Variants in FAM3D observed in about 807,000 individuals in gnomAD.
FAM3D encodes the protein FAM3 metabolism regulating signaling molecule D.
FAM3D carries 26 observed loss-of-function variants against 29.8 expected under a neutral mutation model. The observed-to-expected ratio is 0.87, with a 90% CI of 0.64 to 1.21. The LOEUF is 1.21. FAM3D is among the 50% of genes most tolerant of loss of function. The pLI is 0.00. For synonymous variants in FAM3D, 115 were observed against 102.3 expected, an observed-to-expected ratio of 1.12 and a Z score of -0.75; for missense variants, 253 against 290.9, an observed-to-expected ratio of 0.87 and a Z score of 0.95.
intron 7 of FAM3D, 138 bp downstream of exon 7, chr3:58,639,989 A>G (rs537978111): frequency 2.1e-5 from 18 of 847,544 alleles, no homozygotes; most frequent in South Asian, 1.8e-4. Flanking sequence ...TCAACCCCCC[A>G]CCGCACCTCT....
intron 1 of FAM3D, among the ~76,000 whole-genome samples, chr3:58,664,953 G>A (rs576834186): frequency 1.3e-5 from 2 of 152,178 alleles, no homozygotes; most frequent in Non-Finnish European, 2.9e-5. Flanking sequence ...CTCCAAGGGG[G>A]AGCAGCTGCC....
At chr3:58,653,201 G>T (rs1268072584) in intron 3 of FAM3D, among the ~76,000 whole-genome samples, 1 of 152,190 alleles carries the variant, frequency 6.6e-6, no homozygotes, top group African/African-American at 2.4e-5. Context: ...GGAGGAAGGG[G>T]TGCAATCTTA....
chr3:58,646,556 C>T (rs2066487240), intron 4 of FAM3D, among the ~76,000 whole-genome samples: 1 of 152,196 alleles, frequency 6.6e-6, no homozygotes, highest in South Asian at 2.1e-4. Flanking sequence ...TTTTTAGCAC[C>T]CGCTGACAGT....
intron 7 of FAM3D, among the ~76,000 whole-genome samples, chr3:58,637,945 C>T (rs1215073949): frequency 2.6e-5 from 4 of 151,588 alleles, no homozygotes; most frequent in Admixed American, 6.6e-5. Context: ...AGTGCAATGG[C>T]GCGATCTGCG....
At chr3:58,638,588 A>C (rs1181987252) in intron 7 of FAM3D, among the ~76,000 whole-genome samples, 1 of 152,254 alleles carries the variant, frequency 6.6e-6, no homozygotes, top group Non-Finnish European at 1.5e-5. Flanking sequence ...CCTTTTAATA[A>C]AAAATGATTA....
chr3:58,649,356 T>C lies in FAM3D; in HGVS notation c.122-18A>G, dbSNP rs1165967726. 6.2e-7 allele frequency: 1 copy of C among 1,613,216 alleles called. No individual in the cohort carries two copies. Among genetic ancestry groups the C allele is most frequent in the East Asian group, 2.2e-5 (1 of 44,788 alleles). The stretch of plus-strand genomic sequence containing the variant: ...CGAGGCTGCTGGAGAGAAGACAGAA[T>C]CTGGTTAGAGGAAAAGCACTTCGGA... On this transcript the variant is annotated intron_variant, in intron 3 of 9. Transcript: ENST00000358781.
chr3:58,655,461 T>A, intron 2 of FAM3D, 90 bp downstream of exon 2: 1 of 1,559,394 alleles, frequency 6.4e-7, no homozygotes, highest in Non-Finnish European at 8.8e-7. Context: ...CCTGACCATT[T>A]GAGAACAGAT....
intron 5 of FAM3D, among the ~76,000 whole-genome samples, chr3:58,644,248 G>A (rs1329426926): frequency 6.6e-6 from 1 of 152,200 alleles, no homozygotes; most frequent in African/African-American, 2.4e-5. Context: ...GCGACTGGCT[G>A]ATATGGTTTG....
Position 58,635,114 on chromosome 3 carries a change from G to A in FAM3D, c.586-746C>T, listed in dbSNP as rs983178003. 1.3e-5 allele frequency among the ~76,000 whole-genome samples: 2 copies of A among 152,308 alleles called. No individual in the cohort carries two copies. Among genetic ancestry groups the A allele is most frequent in the Admixed American group, 1.3e-4 (2 of 15,306 alleles). On this transcript the variant is annotated intron_variant, in intron 9 of 9. Transcript: ENST00000358781. This position sits in a 1 kb window ranked among gnomAD's most constrained non-coding sequence, Gnocchi z 5.2. ...CGCTTGAGCCCAGGAGGTCGAGGCT[G>A]CAGTGAGCCGAGATTGTGCCACTGC...
chr3:58,635,933 C>A lies in FAM3D; in HGVS notation c.585+361G>T, dbSNP rs2066153304. 6.6e-6 allele frequency among the ~76,000 whole-genome samples: 1 copy of A among 152,248 alleles called. No individual in the cohort carries two copies. The highest frequency in any genetic ancestry group is 2.1e-4 in the South Asian group (1 of 4,834). ...GGGAGGCTGAAGGGATGGGGACAGG[C>A]ATCCTGCTCCTTTCCCCGGGATCCC... On this transcript the variant is annotated intron_variant, in intron 9 of 9. Coordinates refer to ENST00000358781, the MANE Select transcript of FAM3D (RefSeq NM_138805.3). The surrounding 1 kb of genome is among the most constrained non-coding windows in gnomAD (Gnocchi z 5.2).
intron 4 of FAM3D, among the ~76,000 whole-genome samples, chr3:58,648,441 C>CTAGA (rs1056121136): frequency 1.3e-5 from 2 of 151,886 alleles, no homozygotes; most frequent in Admixed American, 1.3e-4. Flanking sequence ...GGGCTCTGGA[C>CTAGA]TAGATGGTGG....
chr3:58,643,717 G>A lies in FAM3D; in HGVS notation c.267C>T (p.Ile89=), dbSNP rs1216311439. ...GPTMCFEDRM[I]MSPVKNNVGR... The stretch of plus-strand genomic sequence containing the variant: ...CCACATTGTTTTTCACAGGACTCAT[G>A]ATCCTGAAGACAATGAAGAAGAAAT... Residue 89 remains isoleucine (I), a synonymous_variant, in exon 6 of 10, where the codon ATC becomes ATT. Transcript: ENST00000358781. 1.2e-6 allele frequency: 2 copies of A among 1,613,796 alleles called. No individual in the cohort carries two copies. The highest frequency in any genetic ancestry group is 1.7e-6 in the Non-Finnish European group (2 of 1,179,950).
intron 6 of FAM3D, among the ~76,000 whole-genome samples, chr3:58,643,430 T>C (rs1471833346): frequency 6.6e-6 from 1 of 152,238 alleles, no homozygotes; most frequent in Non-Finnish European, 1.5e-5. Context: ...AAGTGTGTCC[T>C]CCTGAGATAG....
chr3:58,640,219 T>A (rs1243940162), intron 6 of FAM3D, 42 bp from the exon 7 acceptor site: 2 of 1,604,424 alleles, frequency 1.2e-6, no homozygotes, highest in East Asian at 2.2e-5. Context: ...GTAACACGTG[T>A]CATTCTGCCT....
At position 58,655,430 on chromosome 3, in the gene FAM3D, G is replaced by T; in HGVS notation, c.13+121C>A. On this transcript the variant is annotated intron_variant, in intron 2 of 9. Transcript: ENST00000358781. ...CTACTCTTCCAGCCTCCCCTGGATT[G>T]CTTTCCTCCTGGAATTCGGGCCTGA... 7 of 1,312,900 alleles carry T rather than the reference G, an allele frequency of 5.3e-6. 1 individual carries two copies. The highest frequency in any genetic ancestry group is 4.4e-5 in the South Asian group (3 of 67,740). The allele number at this position is 1,312,900 out of a possible 1,614,324, so 81.3% of individuals were successfully genotyped here.
intron 6 of FAM3D, among the ~76,000 whole-genome samples, chr3:58,641,905 C>A (rs1258330384): frequency 2.6e-5 from 4 of 152,182 alleles, no homozygotes; most frequent in Admixed American, 1.3e-4. Context: ...CAGGTGCGAC[C>A]CATTTAGGGG....
At chr3:58,664,623 A>G (rs2066995117) in intron 1 of FAM3D, among the ~76,000 whole-genome samples, 1 of 152,238 alleles carries the variant, frequency 6.6e-6, no homozygotes, top group Non-Finnish European at 1.5e-5. Context: ...GGAGGGTCAG[A>G]CAAGCCAATA....
chr3:58,636,272 C>G (rs551730671), intron 9 of FAM3D, 22 bp downstream of exon 9: 7 of 1,610,358 alleles, frequency 4.3e-6, no homozygotes, highest in Non-Finnish European at 5.9e-6. Context: ...TTCATAGGGC[C>G]GGGTTGTGGC....
In FAM3D at chr3:58,635,663, G is replaced by A. The variant is rs1016456066; in HGVS notation, c.585+631C>T. On this transcript the variant is annotated intron_variant, in intron 9 of 9. Transcript: ENST00000358781. The surrounding 1 kb of genome is among the most constrained non-coding windows in gnomAD (Gnocchi z 5.2). The stretch of plus-strand genomic sequence containing the variant: ...CCGCCCCCGCCCACCGGCCTCCTGC[G>A]TTCTTCACTGCGTTCAAGTAATTTC... Among the ~76,000 whole-genome samples the A allele has an allele frequency of 2.0e-5, 3 of 152,230 alleles. No homozygotes were observed. Among genetic ancestry groups the A allele is most frequent in the Admixed American group, 1.3e-4 (2 of 15,292 alleles).
Sources: allele counts gnomAD v4.1 joint callset (sites outside exome capture counted in the v4.1 genomes callset), GRCh38; gene constraint gnomAD v4.1.1; non-coding constraint Gnocchi (gnomAD v3.1); transcripts MANE v1.5; gene names NCBI Gene and HGNC (gene_info 2026-07-23, HGNC 2026-07-21).